SCAND3: variants seen among roughly 807,000 people sequenced by gnomAD.
The protein encoded by SCAND3 is SCAN domain-containing protein 3.
the SCAND3 span, chr6:28,586,375 G>C: frequency 1.2e-6 from 2 of 1,614,114 alleles, no homozygotes; most frequent in African/African-American, 2.7e-5. This position sits in a 1 kb window ranked among gnomAD's most constrained non-coding sequence, Gnocchi z 4.4. Flanking sequence ...TCAGGATTAT[G>C]CTCCCGCACC....
chr6:28,605,800 C>A, the SCAND3 span, among the ~76,000 whole-genome samples: 1 of 151,960 alleles, frequency 6.6e-6, no homozygotes, highest in Non-Finnish European at 1.5e-5. Context: ...GAGCCGAGAT[C>A]GCGCCATTGC....
At chr6:28,580,847 T>C in the SCAND3 span, among the ~76,000 whole-genome samples, 1 of 120,232 alleles carries the variant, frequency 8.3e-6, no homozygotes, top group African/African-American at 3.2e-5. Flanking sequence ...ATTCCTCTAC[T>C]TTTCCACCAG....
chr6:28,579,297 T>C, the SCAND3 span: 1 of 1,614,038 alleles, frequency 6.2e-7, no homozygotes, highest in Non-Finnish European at 8.5e-7. This position sits in a 1 kb window ranked among gnomAD's most constrained non-coding sequence, Gnocchi z 4.5. Context: ...GGTGTGGCTC[T>C]GGAGATTCAC....
At chr6:28,572,285 C>T in the SCAND3 span, 1 of 1,608,536 alleles carries the variant, frequency 6.2e-7, no homozygotes, top group South Asian at 1.1e-5. This position sits in a 1 kb window ranked among gnomAD's most constrained non-coding sequence, Gnocchi z 4.1. Flanking sequence ...CACAAATTTC[C>T]TATGCGTGGA....
the SCAND3 span, among the ~76,000 whole-genome samples, chr6:28,598,816 G>T: frequency 6.9e-6 from 1 of 145,754 alleles, no homozygotes; most frequent in Non-Finnish European, 1.5e-5. Context: ...AGTGGAAGTT[G>T]CAGTGAGCTG....
At chr6:28,574,590 C>T in the SCAND3 span, 1 of 1,452,878 alleles carries the variant, frequency 6.9e-7, no homozygotes, top group Non-Finnish European at 9.5e-7. Context: ...ATTCACAGTA[C>T]ACTGTAATGA....
the SCAND3 span, among the ~76,000 whole-genome samples, chr6:28,598,683 AAAAATAAAATAAAATAAAAT>A: frequency 3.0e-4 from 42 of 138,026 alleles, no homozygotes; most frequent in African/African-American, 1.9e-4. Context: ...TGTTTCTACT[AAAAATAAAATAAAATAAAAT>A]AAAATAAAAT....
the SCAND3 span, among the ~76,000 whole-genome samples, chr6:28,592,137 A>C: frequency 6.6e-6 from 1 of 152,194 alleles, no homozygotes; most frequent in African/African-American, 2.4e-5. This position sits in a 1 kb window ranked among gnomAD's most constrained non-coding sequence, Gnocchi z 4.1. Context: ...AGTCATCCTA[A>C]TAGGAAAGGA....
chr6:28,590,838 T>G, the SCAND3 span: 1 of 152,252 alleles, frequency 6.6e-6, no homozygotes, highest in African/African-American at 2.4e-5. Context: ...GCTCCCGTTA[T>G]GTGTGCTTGA....
chr6:28,571,993 T>C, the SCAND3 span: 11 of 1,614,044 alleles, frequency 6.8e-6, no homozygotes, highest in Admixed American at 1.7e-4. Context: ...CCTCAGGGGA[T>C]AATGTATATT....
chr6:28,608,850 A>G, the SCAND3 span, among the ~76,000 whole-genome samples: 1 of 151,616 alleles, frequency 6.6e-6, no homozygotes, highest in Non-Finnish European at 1.5e-5. Context: ...TTAGCAGGGC[A>G]TGGTGGTGCA....
At chr6:28,613,415 G>A in the SCAND3 span, among the ~76,000 whole-genome samples, 2 of 152,186 alleles carry the variant, frequency 1.3e-5, no homozygotes, top group African/African-American at 4.8e-5. Context: ...GAAAAGACTA[G>A]ATATTTCATA....
the SCAND3 span, chr6:28,573,472 G>A: frequency 6.2e-7 from 1 of 1,614,042 alleles, no homozygotes; most frequent in Non-Finnish European, 8.5e-7. Flanking sequence ...CACCTGCTTT[G>A]GTTGGCTTTT....
the SCAND3 span, among the ~76,000 whole-genome samples, chr6:28,592,529 C>T: frequency 6.6e-6 from 1 of 152,224 alleles, no homozygotes; most frequent in African/African-American, 2.4e-5. This position sits in a 1 kb window ranked among gnomAD's most constrained non-coding sequence, Gnocchi z 4.1. Context: ...TCAATGCAAT[C>T]CTTGTCAAAA....
At chr6:28,578,253 G>C in the SCAND3 span, among the ~76,000 whole-genome samples, 3 of 152,110 alleles carry the variant, frequency 2.0e-5, no homozygotes, top group Non-Finnish European at 4.4e-5. Context: ...TTCCAGTAAG[G>C]CTTCTTTGAT....
the SCAND3 span, chr6:28,586,608 T>A: frequency 1.8e-5 from 29 of 1,614,214 alleles, no homozygotes; most frequent in Non-Finnish European, 2.3e-5. The surrounding 1 kb of genome is among the most constrained non-coding windows in gnomAD (Gnocchi z 4.4). Flanking sequence ...TAGGGCTGAT[T>A]CCTGATCCCA....
At chr6:28,580,764 T>C in the SCAND3 span, among the ~76,000 whole-genome samples, 2 of 152,090 alleles carry the variant, frequency 1.3e-5, no homozygotes, top group African/African-American at 2.4e-5. Context: ...ATATGGTTCA[T>C]TGTGCTGAAT....
chr6:28,582,317 C>T, the SCAND3 span, among the ~76,000 whole-genome samples: 1 of 152,004 alleles, frequency 6.6e-6, no homozygotes, highest in South Asian at 2.1e-4. This position sits in a 1 kb window ranked among gnomAD's most constrained non-coding sequence, Gnocchi z 4.8. Context: ...TGGCCCAAGA[C>T]AATTATTCTT....
chr6:28,595,821 T>C, the SCAND3 span, among the ~76,000 whole-genome samples: 1 of 152,284 alleles, frequency 6.6e-6, no homozygotes, highest in South Asian at 2.1e-4. Context: ...AGGAAACATC[T>C]GAATACTTTA....
Sources: allele counts gnomAD v4.1 joint callset (sites outside exome capture counted in the v4.1 genomes callset), GRCh38; gene constraint gnomAD v4.1.1; non-coding constraint Gnocchi (gnomAD v3.1); transcripts MANE v1.5; gene names NCBI Gene and HGNC (gene_info 2026-07-23, HGNC 2026-07-21).